Variants in SNX29 observed in about 807,000 individuals in gnomAD.
The protein encoded by SNX29 is sorting nexin 29.
In SNX29, 78 loss-of-function variants were observed where a neutral mutation model predicts 102.1. The ratio of observed to expected loss-of-function variants is 0.76; its 90% CI spans 0.64 to 0.92. The LOEUF (loss-of-function observed/expected upper bound fraction) is 0.92. SNX29 is among the 40% of genes least tolerant of loss of function. The probability of loss-of-function intolerance (pLI) is 0.00; values close to 1 mark genes in which losing one functional copy is unlikely to be tolerated. For synonymous variants in SNX29, 580 were observed against 414.5 expected, an observed-to-expected ratio of 1.40 and a Z score of -4.85; for missense variants, 1,280 against 1,061.7, an observed-to-expected ratio of 1.21 and a Z score of -2.86.
chr16:12,071,913 A>G (rs1437490294), intron 10 of SNX29, among the ~76,000 whole-genome samples: 1 of 152,094 alleles, frequency 6.6e-6, no homozygotes, highest in Non-Finnish European at 1.5e-5. Flanking sequence ...ATTCGTAAGT[A>G]TTTTATTCTC....
chr16:12,027,555 G>A lies in SNX29; in HGVS notation c.247+111G>A, dbSNP rs1297394075. 5 of 1,306,286 alleles carry A rather than the reference G, an allele frequency of 3.8e-6. No individual in the cohort carries two copies. The South Asian group carries it at 5.5e-5, about 14-fold the overall frequency. The allele number at this position is 1,306,286 out of a possible 1,614,324, so 80.9% of individuals were successfully genotyped here. Reference sequence around the variant, plus strand: ...GCAGTGATCGCGTGGGACTTGGTGGGGTGGTGTATGGGCACAGAAATCCAT... The same window carrying A: ...GCAGTGATCGCGTGGGACTTGGTGGAGTGGTGTATGGGCACAGAAATCCAT... On this transcript the variant is annotated intron_variant, in intron 4 of 20. Transcript: ENST00000566228.
At chr16:12,506,980 G>A (rs1266885624) in intron 19 of SNX29, among the ~76,000 whole-genome samples, 6 of 152,216 alleles carry the variant, frequency 3.9e-5, no homozygotes, top group Admixed American at 1.3e-4. Context: ...ACCATGTCTT[G>A]TATGCTTATC....
intron 18 of SNX29, among the ~76,000 whole-genome samples, chr16:12,425,454 G>A (rs1425887520): frequency 2.0e-5 from 3 of 149,878 alleles, no homozygotes; most frequent in Non-Finnish European, 4.4e-5. Context: ...AGGCCCAGGA[G>A]CCCTGGCTGC....
chr16:12,371,170 T>G (rs893220892), intron 16 of SNX29, among the ~76,000 whole-genome samples: 5 of 152,172 alleles, frequency 3.3e-5, no homozygotes, highest in African/African-American at 9.7e-5. Flanking sequence ...CAGCCAGGCG[T>G]TGGGGATCAG....
At chr16:12,283,628 C>T (rs1019319189) in intron 15 of SNX29, among the ~76,000 whole-genome samples, 7 of 152,150 alleles carry the variant, frequency 4.6e-5, no homozygotes, top group African/African-American at 1.7e-4. Context: ...ACTTCTGTTG[C>T]AAAGTCATTG....
chr16:12,078,390 G>T (rs766710839), intron 10 of SNX29, among the ~76,000 whole-genome samples: 2 of 152,050 alleles, frequency 1.3e-5, no homozygotes, highest in Non-Finnish European at 2.9e-5. Flanking sequence ...CACAAGAATC[G>T]CTTGAACCCA....
intron 8 of SNX29, chr16:12,052,802 A>G (rs1054536669): frequency 3.8e-5 from 6 of 158,864 alleles, no homozygotes; most frequent in Non-Finnish European, 8.4e-5. Context: ...CAGGGTTCAC[A>G]GGGTTTCACA....
At chr16:12,162,151 C>T (rs1256031214) in intron 13 of SNX29, among the ~76,000 whole-genome samples, 3 of 152,128 alleles carry the variant, frequency 2.0e-5, no homozygotes, top group African/African-American at 4.8e-5. Flanking sequence ...TGGCTTTGCA[C>T]GTGATGGCTC....
chr16:12,570,983 C>A lies in SNX29; in HGVS notation c.*2354C>A, dbSNP rs531586151. 3.6e-4 allele frequency: 84 copies of A among 232,566 alleles called. No individual in the cohort carries two copies. The highest frequency in any genetic ancestry group is 6.1e-4 in the Non-Finnish European group (72 of 117,586). The allele number at this position is 232,566 out of a possible 1,614,324, so 14.4% of individuals were successfully genotyped here. A position where few individuals can be genotyped will look rare whatever the true frequency, so the allele number is the denominator to read the frequency against. On this transcript the variant is annotated 3_prime_UTR_variant, in exon 21 of 21. Transcript: ENST00000566228. ...AGCTGCCTGCTCCTGGTACCTCCCCCATGATCATGCACAGACCGTAGAGTC... is the reference window on the plus strand; with the variant it reads ...AGCTGCCTGCTCCTGGTACCTCCCCAATGATCATGCACAGACCGTAGAGTC...
intron 14 of SNX29, among the ~76,000 whole-genome samples, chr16:12,238,843 C>G (rs370391776): frequency 6.6e-6 from 1 of 152,216 alleles, no homozygotes; most frequent in Non-Finnish European, 1.5e-5. Context: ...GTCTAGTGTC[C>G]TGGTCCACTT....
At position 12,566,733 on chromosome 16, in the gene SNX29, C is replaced by T. The variant is rs538138794; in HGVS notation, c.2319-1773C>T. On this transcript the variant is annotated intron_variant, in intron 20 of 20. Transcript: ENST00000566228. Reference sequence around the variant, plus strand: ...TCCTTTGAAGAGAGGATCATGTTTGCTTTGGGCCTGCAGCCAGACACCCAC... The same window carrying T: ...TCCTTTGAAGAGAGGATCATGTTTGTTTTGGGCCTGCAGCCAGACACCCAC... Among the ~76,000 whole-genome samples the T allele has an allele frequency of 5.9e-5, 9 of 152,274 alleles. No individual in the cohort carries two copies. The South Asian group carries it at 1.9e-3, about 32-fold the overall frequency.
At chr16:12,171,076 G>C (rs1418131076) in intron 13 of SNX29, among the ~76,000 whole-genome samples, 1 of 152,066 alleles carries the variant, frequency 6.6e-6, no homozygotes, top group Non-Finnish European at 1.5e-5. Flanking sequence ...CCCGGTGCTT[G>C]TTTGCGGTCT....
intron 18 of SNX29, chr16:12,442,997 A>G (rs1243470247): frequency 6.6e-6 from 3 of 455,792 alleles, no homozygotes; most frequent in Admixed American, 4.7e-5. Flanking sequence ...TTTTCCAGCT[A>G]TTTAAAAATG....
intron 15 of SNX29, among the ~76,000 whole-genome samples, chr16:12,290,349 C>T (rs958844627): frequency 8.5e-5 from 13 of 152,166 alleles, no homozygotes; most frequent in Admixed American, 5.2e-4. Flanking sequence ...TTTTATGAAC[C>T]CTTTCCTGTC....
chr16:12,365,845 A>G (rs970247672), intron 16 of SNX29, among the ~76,000 whole-genome samples: 5 of 151,732 alleles, frequency 3.3e-5, no homozygotes, highest in Non-Finnish European at 5.9e-5. Flanking sequence ...GATCGAGACC[A>G]TCCTGGCTAA....
At chr16:12,550,711 T>TA (rs1417367173) in intron 20 of SNX29, among the ~76,000 whole-genome samples, 1 of 152,202 alleles carries the variant, frequency 6.6e-6, no homozygotes, top group African/African-American at 2.4e-5. Context: ...CTCATGCTCT[T>TA]ATTCTACACT....
intron 20 of SNX29, among the ~76,000 whole-genome samples, chr16:12,538,689 C>A (rs546951855): frequency 2.0e-5 from 3 of 152,096 alleles, no homozygotes; most frequent in African/African-American, 7.2e-5. Flanking sequence ...CCTCCCAGGA[C>A]CAGTGGGCGA....
intron 15 of SNX29, among the ~76,000 whole-genome samples, chr16:12,317,959 T>G (rs1001641244): frequency 6.6e-6 from 1 of 152,180 alleles, no homozygotes; most frequent in African/African-American, 2.4e-5. Flanking sequence ...GGAAACACGC[T>G]TAGTTTGGAT....
At chr16:12,317,084 T>G in intron 15 of SNX29, among the ~76,000 whole-genome samples, 1 of 152,222 alleles carries the variant, frequency 6.6e-6, no homozygotes, top group East Asian at 1.9e-4. Context: ...GGAAATTCGG[T>G]TACAGTGTTT....
Sources: gnomAD v4.1 joint callset for allele counts (sites outside exome capture counted in the v4.1 genomes callset) on GRCh38, gnomAD v4.1.1 for gene constraint, MANE v1.5 for transcripts, NCBI Gene and HGNC (gene_info 2026-07-23, HGNC 2026-07-21) for gene names.